ZNF718: variants seen among roughly 807,000 people sequenced by gnomAD.
ZNF718 encodes zinc finger protein 718.
Under a neutral mutation model 2.6 loss-of-function variants are expected in ZNF718, and 3 were observed. The ratio of observed to expected loss-of-function variants is 1.16; its 90% CI spans 0.53 to 3.01. The LOEUF (loss-of-function observed/expected upper bound fraction) is 3.01. Ranked by LOEUF, ZNF718 falls within the 30% of genes most tolerant of loss-of-function variation. The pLI, the probability that ZNF718 is intolerant of heterozygous loss-of-function variation, is 0.03. For synonymous variants in ZNF718, 135 were observed against 77.9 expected, an observed-to-expected ratio of 1.73 and a Z score of -3.86; for missense variants, 468 against 230.0, an observed-to-expected ratio of 2.03 and a Z score of -6.69.
rs1389864549 is a variant in ZNF718, at chr4:161,403, T to C, written c.718T>C (p.Ser240Pro). 1 of 780,140 alleles carries C rather than the reference T, an allele frequency of 1.3e-6. No individual in the cohort carries two copies. Among genetic ancestry groups the C allele is most frequent in the African/African-American group, 1.7e-5 (1 of 59,112 alleles). The allele number at this position is 780,140 out of a possible 1,614,324, so 48.3% of individuals were successfully genotyped here. A position where few individuals can be genotyped will look rare whatever the true frequency, so the allele number is the denominator to read the frequency against. The part of the protein sequence containing the change: ...EECGKGFTRS[S>P]HLTKHKRIHT... Reference sequence around the variant, plus strand: ...ATGTGGTAAAGGCTTTACTCGGTCCTCACACCTTACTAAACATAAGAGAAT... The same window carrying C: ...ATGTGGTAAAGGCTTTACTCGGTCCCCACACCTTACTAAACATAAGAGAAT... The change falls in exon 4 of 4, where the codon TCA becomes CCA. Residue 240 changes from serine to proline, a missense_variant. By Grantham distance (74) the Ser-to-Pro change is moderately conservative (BLOSUM62 -1). Coordinates refer to ENST00000510175, the MANE Select transcript of ZNF718 (RefSeq NM_001039127.6).
downstream of ZNF718, among the ~76,000 whole-genome samples, chr4:165,912 A>C (rs1717076359): frequency 6.6e-6 from 1 of 152,046 alleles, no homozygotes; most frequent in South Asian, 2.1e-4. Context: ...GGTTAGTTAC[A>C]TATGTATACA....
chr4:158,534 A>G (rs1716679476), intron 3 of ZNF718, among the ~76,000 whole-genome samples: 3 of 151,054 alleles, frequency 2.0e-5, no homozygotes. Flanking sequence ...TTTTTATTTG[A>G]TATCTTGGGA....
At chr4:171,876 A>G (rs1717242465) in intron 3 of ZNF718, among the ~76,000 whole-genome samples, 1 of 152,120 alleles carries the variant, frequency 6.6e-6, no homozygotes, top group African/African-American at 2.4e-5. Flanking sequence ...AACACTCCCT[A>G]GTGAGATGAA....
In ZNF718 at chr4:124,598, C is replaced by A. The variant is rs1219521141; in HGVS notation, c.-73C>A. 5 of 1,582,312 alleles carry A rather than the reference C, an allele frequency of 3.2e-6. No homozygotes were observed. The highest frequency in any genetic ancestry group is 3.4e-6 in the Non-Finnish European group (4 of 1,162,292). On this transcript the variant is annotated 5_prime_UTR_variant, in exon 1 of 4. Transcript: ENST00000510175. ...TCGGTGATTCTGCCACAGCCTCAGCCTCTGTGGCTCTGTGACCTGCCGGTA... is the reference window on the plus strand; with the variant it reads ...TCGGTGATTCTGCCACAGCCTCAGCATCTGTGGCTCTGTGACCTGCCGGTA...
At chr4:168,446 C>T (rs562850122), downstream of ZNF718, among the ~76,000 whole-genome samples, 1 of 152,208 alleles carries the variant, frequency 6.6e-6, no homozygotes, top group South Asian at 2.1e-4. Flanking sequence ...CTCCTTGTAC[C>T]TCTGGTAGAG....
At chr4:167,483 C>G (rs1468610524), downstream of ZNF718, among the ~76,000 whole-genome samples, 8 of 152,110 alleles carry the variant, frequency 5.3e-5, no homozygotes, top group Non-Finnish European at 1.2e-4. Flanking sequence ...TACCCATGAG[C>G]GTGGAATGTT....
chr4:147,681 T>C (rs1272320363), intron 3 of ZNF718, among the ~76,000 whole-genome samples: 1 of 151,874 alleles, frequency 6.6e-6, no homozygotes, highest in Non-Finnish European at 1.5e-5. Context: ...CTGGGCAACA[T>C]GGTGAAACCC....
intron 3 of ZNF718, among the ~76,000 whole-genome samples, chr4:185,942 T>G (rs192332205): frequency 1.3e-5 from 2 of 152,290 alleles, no homozygotes; most frequent in Non-Finnish European, 2.9e-5. Flanking sequence ...TCTTTGTACT[T>G]TATTCAGCTT....
Position 162,370 on chromosome 4 carries a change from A to C in ZNF718, c.*248A>C. On this transcript the variant is annotated 3_prime_UTR_variant, in exon 4 of 4. Coordinates refer to ENST00000510175, the MANE Select transcript of ZNF718 (RefSeq NM_001039127.6). ...TGCAGAAAACCCCTAGGAATATTAA[A>C]AGTGTGGCAAAACCTTTAACCAATG... is the stretch of plus-strand genomic sequence containing the variant. The C allele has an allele frequency of 2.8e-6, 1 of 357,594 alleles. No individual in the cohort carries two copies. Among genetic ancestry groups the C allele is most frequent in the South Asian group, 8.3e-5 (1 of 12,032 alleles). The allele number at this position is 357,594 out of a possible 1,614,324, so 22.2% of individuals were successfully genotyped here. A position where few individuals can be genotyped will look rare whatever the true frequency, so the allele number is the denominator to read the frequency against.
chr4:180,229 C>CT (rs1230451511), intron 3 of ZNF718, among the ~76,000 whole-genome samples: 1 of 152,124 alleles, frequency 6.6e-6, no homozygotes, highest in Non-Finnish European at 1.5e-5. Context: ...GTTACCTACA[C>CT]TTTTTTTGTC....
At chr4:194,692 G>T (rs1717757697) in intron 3 of ZNF718, among the ~76,000 whole-genome samples, 1 of 152,152 alleles carries the variant, frequency 6.6e-6, no homozygotes, top group South Asian at 2.1e-4. Flanking sequence ...GGTTATCAGA[G>T]AATTTACCTA....
chr4:166,478 T>C (rs1553816849), downstream of ZNF718, among the ~76,000 whole-genome samples: 1 of 152,152 alleles, frequency 6.6e-6, no homozygotes, highest in African/African-American at 2.4e-5. Flanking sequence ...AGTGTAAAAG[T>C]GTTCCTATTT....
At chr4:172,976 T>C (rs1483611458) in intron 3 of ZNF718, among the ~76,000 whole-genome samples, 10 of 151,976 alleles carry the variant, frequency 6.6e-5, no homozygotes, top group Non-Finnish European at 1.3e-4. Flanking sequence ...ACCTGGGAGG[T>C]GTAGGTTGCA....
intron 4 of ZNF718, chr4:201,386 G>C (rs184020711): frequency 6.6e-6 from 1 of 152,290 alleles, no homozygotes; most frequent in African/African-American, 2.4e-5. Context: ...ATTTTGGTGG[G>C]GTGGTTAGGT....
At chr4:175,970 C>T (rs1717338660) in intron 3 of ZNF718, among the ~76,000 whole-genome samples, 1 of 150,412 alleles carries the variant, frequency 6.6e-6, no homozygotes, top group Non-Finnish European at 1.5e-5. Flanking sequence ...CATTCTCCTG[C>T]CTCAGCCTCC....
intron 3 of ZNF718, among the ~76,000 whole-genome samples, chr4:137,249 A>G (rs1553809449): frequency 1.3e-5 from 2 of 152,212 alleles, no homozygotes; most frequent in Non-Finnish European, 2.9e-5. Flanking sequence ...TCTAAAAAAA[A>G]AAATTACCTA....
Position 129,929 on chromosome 4 carries a change from T to C in ZNF718, c.4-859T>C, listed in dbSNP as rs1715311698. Reference sequence around the variant, plus strand: ...CCCAGCACACTGCTCTATGGCATACTTCTGAGCACATAGTACATGCTCTAT... The same window carrying C: ...CCCAGCACACTGCTCTATGGCATACCTCTGAGCACATAGTACATGCTCTAT... On this transcript the variant is annotated intron_variant, in intron 1 of 3. Transcript: ENST00000510175. 1.9e-5 allele frequency among the ~76,000 whole-genome samples: 2 copies of C among 105,010 alleles called. 1 individual carries two copies. The highest frequency in any genetic ancestry group is 2.0e-4 in the Admixed American group (2 of 9,806). The allele number at this position is 105,010 out of a possible 152,430, so 68.9% of individuals were successfully genotyped here.
chr4:176,490 C>T (rs534448901), intron 3 of ZNF718, among the ~76,000 whole-genome samples: 1 of 152,140 alleles, frequency 6.6e-6, no homozygotes, highest in South Asian at 2.1e-4. Flanking sequence ...GTGCTCTTGA[C>T]CCAGCATAAT....
At chr4:157,548 T>G (rs1245241919) in intron 3 of ZNF718, among the ~76,000 whole-genome samples, 1 of 152,192 alleles carries the variant, frequency 6.6e-6, no homozygotes, top group African/African-American at 2.4e-5. Flanking sequence ...AATCTGATTA[T>G]TACATTCAAC....
Sources: gnomAD v4.1 joint callset for allele counts (sites outside exome capture counted in the v4.1 genomes callset) on GRCh38, gnomAD v4.1.1 for gene constraint, MANE v1.5 for transcripts, NCBI Gene and HGNC (gene_info 2026-07-23, HGNC 2026-07-21) for gene names.